Variants in HCN1 observed in about 807,000 individuals in gnomAD.
HCN1 encodes hyperpolarization activated cyclic nucleotide gated potassium channel 1.
Under a neutral mutation model 78.9 loss-of-function variants are expected in HCN1, and 13 were observed. The observed-to-expected ratio is 0.16, with a 90% CI of 0.11 to 0.26. The LOEUF (loss-of-function observed/expected upper bound fraction) is 0.26. Among genes scored for constraint, HCN1 ranks in the 10% least tolerant of loss-of-function variants. The pLI, the probability that HCN1 is intolerant of heterozygous loss-of-function variation, is 1.00. For missense variants in HCN1, 810 were observed against 1,154.3 expected, an observed-to-expected ratio of 0.70 and a Z score of 4.32; for synonymous variants, 552 against 455.5, an observed-to-expected ratio of 1.21 and a Z score of -2.70.
intron 6 of HCN1, among the ~76,000 whole-genome samples, chr5:45,302,200 G>A (rs1745640986): frequency 6.6e-6 from 1 of 152,046 alleles, no homozygotes; most frequent in African/African-American, 2.4e-5. Context: ...AAGGGCGGTG[G>A]GACGTGGATC....
At chr5:45,385,258 T>C (rs1305449976) in intron 4 of HCN1, among the ~76,000 whole-genome samples, 1 of 152,108 alleles carries the variant, frequency 6.6e-6, no homozygotes, top group Middle Eastern at 3.2e-3. Context: ...ATATCCCTTA[T>C]TGCTAGATTT....
intron 2 of HCN1, among the ~76,000 whole-genome samples, chr5:45,555,567 C>G (rs996410950): frequency 6.6e-6 from 1 of 151,700 alleles, no homozygotes; most frequent in Non-Finnish European, 1.5e-5. Context: ...AAGGCACACA[C>G]ATACACAGAG....
intron 3 of HCN1, among the ~76,000 whole-genome samples, chr5:45,427,567 GT>G (rs1468665396): frequency 8.5e-5 from 13 of 152,146 alleles, no homozygotes; most frequent in Non-Finnish European, 1.6e-4. Flanking sequence ...GCAGTCAGGT[GT>G]TTTGTTAGAT....
At chr5:45,482,978 A>T (rs182963203) in intron 2 of HCN1, among the ~76,000 whole-genome samples, 1 of 152,204 alleles carries the variant, frequency 6.6e-6, no homozygotes, top group Non-Finnish European at 1.5e-5. Context: ...TATGGTGTAT[A>T]TGTACCACAT....
rs1579760014 is a variant in HCN1 at position 45,258,927 on chromosome 5, T to A, written c.*2994A>T. On this transcript the variant is annotated 3_prime_UTR_variant, in exon 8 of 8. Transcript: ENST00000303230. Reference sequence around the variant, plus strand: ...TTACCATTATTACAGGAAAATTATTTCTCATCTGTATATCCAATAATTACA... The same window carrying A: ...TTACCATTATTACAGGAAAATTATTACTCATCTGTATATCCAATAATTACA... 2 of 152,024 alleles carry A rather than the reference T, an allele frequency of 1.3e-5. No individual in the cohort carries two copies. The highest frequency in any genetic ancestry group is 3.9e-4 in the East Asian group (2 of 5,192). The allele number at this position is 152,024 out of a possible 1,614,324, so 9.4% of individuals were successfully genotyped here.
At chr5:45,354,054 A>G (rs1419253656) in intron 4 of HCN1, among the ~76,000 whole-genome samples, 1 of 151,740 alleles carries the variant, frequency 6.6e-6, no homozygotes, top group African/African-American at 2.4e-5. Context: ...ACACCCAGAG[A>G]GAGAGAGAGA....
intron 2 of HCN1, among the ~76,000 whole-genome samples, chr5:45,544,103 A>G (rs1743159077): frequency 6.6e-6 from 1 of 152,118 alleles, no homozygotes; most frequent in African/African-American, 2.4e-5. Context: ...TCTGCTTCCA[A>G]GAGTCTGGAG....
intron 7 of HCN1, among the ~76,000 whole-genome samples, chr5:45,265,171 C>A (rs1020354896): frequency 6.7e-6 from 1 of 148,690 alleles, no homozygotes; most frequent in Non-Finnish European, 1.5e-5. Context: ...GCCTGGGCAA[C>A]AGAGCAAGAT....
intron 1 of HCN1, chr5:45,695,246 C>T (rs950407650): frequency 4.8e-6 from 1 of 207,404 alleles, no homozygotes; most frequent in African/African-American, 2.4e-5. Flanking sequence ...CTTCTGAGCC[C>T]CAGAAGCCTC....
intron 2 of HCN1, among the ~76,000 whole-genome samples, chr5:45,628,482 T>A (rs1745210396): frequency 6.6e-6 from 1 of 152,144 alleles, no homozygotes; most frequent in African/African-American, 2.4e-5. Flanking sequence ...TTTCTGAATC[T>A]TTGTAAAAAC....
chr5:45,298,645 G>A (rs1450751315), intron 6 of HCN1, among the ~76,000 whole-genome samples: 1 of 151,976 alleles, frequency 6.6e-6, no homozygotes, highest in Non-Finnish European at 1.5e-5. Context: ...AAAAAGGATT[G>A]TATAAATCAA....
intron 2 of HCN1, among the ~76,000 whole-genome samples, chr5:45,584,946 T>C (rs1245577837): frequency 1.3e-5 from 2 of 152,246 alleles, no homozygotes; most frequent in Admixed American, 6.5e-5. Flanking sequence ...GACATTTCTC[T>C]CTGGCTGCCC....
At chr5:45,511,946 A>T (rs528683412) in intron 2 of HCN1, among the ~76,000 whole-genome samples, 24 of 152,222 alleles carry the variant, frequency 1.6e-4, no homozygotes, top group African/African-American at 5.8e-4. Flanking sequence ...AACTATTACA[A>T]ATTAAAAGTT....
intron 5 of HCN1, among the ~76,000 whole-genome samples, chr5:45,306,461 A>G (rs1745736191): frequency 1.3e-5 from 2 of 152,100 alleles, no homozygotes; most frequent in Admixed American, 1.3e-4. Flanking sequence ...GAAGAAATCT[A>G]TTAATGTTTT....
intron 4 of HCN1, among the ~76,000 whole-genome samples, chr5:45,386,323 G>C (rs949979874): frequency 6.6e-6 from 1 of 151,620 alleles, no homozygotes; most frequent in Non-Finnish European, 1.5e-5. Flanking sequence ...GTATAGGTGC[G>C]AGCCATCATG....
At chr5:45,503,359 G>A (rs1742229360) in intron 2 of HCN1, among the ~76,000 whole-genome samples, 1 of 151,944 alleles carries the variant, frequency 6.6e-6, no homozygotes, top group South Asian at 2.1e-4. Context: ...CAAATGAGTA[G>A]GTATCTCTAA....
rs113853636 is a variant in HCN1, at chr5:45,448,684, T to A, written c.1011+13162A>T. On this transcript the variant is annotated intron_variant, in intron 3 of 7. Coordinates refer to ENST00000303230, the MANE Select transcript of HCN1 (RefSeq NM_021072.4). ...AGGTATACAGTACATCTGCTTGTAC[T>A]CTCAGCTACCTGAAATTATTCTATT... is the stretch of plus-strand genomic sequence containing the variant. Among the ~76,000 whole-genome samples, 60 of 152,330 alleles carry A rather than the reference T, an allele frequency of 3.9e-4. No homozygotes were observed. In the South Asian group the frequency reaches 4.1e-3, roughly 11 times the overall value.
rs1293725806 is a variant in HCN1 at position 45,446,863 on chromosome 5, G to T, written c.1011+14983C>A. The stretch of plus-strand genomic sequence containing the variant: ...GAGAGATTTTGTCACCACCAGGCCT[G>T]CCCTAAAAGAGCTCCTGAAGGAAGC... On this transcript the variant is annotated intron_variant, in intron 3 of 7. Transcript: ENST00000303230. Among the ~76,000 whole-genome samples, 16 of 152,018 alleles carry T rather than the reference G, an allele frequency of 1.1e-4. 1 individual carries two copies. The South Asian group carries it at 2.9e-3, about 28-fold the overall frequency.
intron 5 of HCN1, among the ~76,000 whole-genome samples, chr5:45,314,132 A>G (rs1745921909): frequency 6.6e-6 from 1 of 152,228 alleles, no homozygotes; most frequent in South Asian, 2.1e-4. Context: ...GGTTACCCAC[A>G]AAGAGAAGCC....
Sources: allele counts gnomAD v4.1 joint callset (sites outside exome capture counted in the v4.1 genomes callset), GRCh38; gene constraint gnomAD v4.1.1; transcripts MANE v1.5; gene names NCBI Gene and HGNC (gene_info 2026-07-23, HGNC 2026-07-21).